RGS3: variants seen among roughly 807,000 people sequenced by gnomAD.
RGS3 encodes the protein regulator of G protein signaling 3, also known as regulator of G-protein signalling 3.
Under a neutral mutation model 132.6 loss-of-function variants are expected in RGS3, and 80 were observed. That is an observed-to-expected ratio of 0.60 (90% CI 0.50 to 0.73). RGS3 has a LOEUF of 0.73. Among genes scored for constraint, RGS3 ranks in the 30% least tolerant of loss-of-function variants. The pLI is 0.00. For missense variants in RGS3, 1,382 were observed against 1,530.8 expected, an observed-to-expected ratio of 0.90 and a Z score of 1.62; for synonymous variants, 598 against 620.6, an observed-to-expected ratio of 0.96 and a Z score of 0.54.
chr9:113,587,901 C>T (rs148754791), intron 20 of RGS3, among the ~76,000 whole-genome samples: 1 of 152,354 alleles, frequency 6.6e-6, no homozygotes, highest in Non-Finnish European at 1.5e-5. Flanking sequence ...TGCCCCCTGC[C>T]GCCAGACCCC....
chr9:113,586,544 G>A (rs925867525), intron 20 of RGS3, among the ~76,000 whole-genome samples: 7 of 152,142 alleles, frequency 4.6e-5, no homozygotes, highest in Admixed American at 2.0e-4. Context: ...ACTTTTAGCC[G>A]GTCACTTCCT....
At chr9:113,550,692 A>C (rs992141462) in intron 19 of RGS3, among the ~76,000 whole-genome samples, 1 of 152,190 alleles carries the variant, frequency 6.6e-6, no homozygotes, top group African/African-American at 2.4e-5. Context: ...ATATTGTTAC[A>C]TTTTTAAATA....
At chr9:113,523,013 C>T (rs909518291) in exon 17 of RGS3, 1 of 1,613,790 alleles carries the variant, frequency 6.2e-7, no homozygotes, top group African/African-American at 1.3e-5. Context: ...GGAACCCCCT[C>T]TACCTCCAGA....
At chr9:113,517,229 G>A (rs1460210550) in intron 15 of RGS3, 1 of 525,904 alleles carries the variant, frequency 1.9e-6, no homozygotes, top group South Asian at 1.5e-5. Context: ...GTGCAGTGGG[G>A]GGTGAGAGCT....
Position 113,507,167 on chromosome 9 carries a change from C to A in RGS3, c.1086-120C>A, listed in dbSNP as rs1831164947. On this transcript the variant is annotated intron_variant, in intron 12 of 24. Transcript: ENST00000350696. The surrounding 1 kb of genome is among the most constrained non-coding windows in gnomAD (Gnocchi z 5.0). ...TCCCTTCCTGCCCTGACACTGGGGGCTTCCCCTCTGGTGTCTGCCTCCTCT... is the reference window on the plus strand; with the variant it reads ...TCCCTTCCTGCCCTGACACTGGGGGATTCCCCTCTGGTGTCTGCCTCCTCT... 3 of 772,206 alleles carry A rather than the reference C, an allele frequency of 3.9e-6. No individual in the cohort carries two copies. In the South Asian group the frequency reaches 5.6e-5, roughly 14 times the overall value. 47.8% of individuals were successfully genotyped at this position (772,206 alleles called of 1,614,324 possible). A position where few individuals can be genotyped will look rare whatever the true frequency, so the allele number is the denominator to read the frequency against.
intron 15 of RGS3, among the ~76,000 whole-genome samples, chr9:113,516,578 C>T (rs1002451626): frequency 2.6e-5 from 4 of 152,000 alleles, no homozygotes; most frequent in African/African-American, 9.6e-5. Flanking sequence ...AGGCTGGTCT[C>T]GAACTCCTGA....
rs530237888 is a variant in RGS3 at position 113,513,843 on chromosome 9, A to G, written c.1478-615A>G. On this transcript the variant is annotated intron_variant, in intron 14 of 24. Coordinates refer to ENST00000350696, the Ensembl canonical transcript of RGS3. ...CTCTAGCTCCCTTGGCTACAGAGGG[A>G]GGACTCCAGTACATCCTGGGAAAGC... 4.6e-5 allele frequency among the ~76,000 whole-genome samples: 7 copies of G among 152,286 alleles called. No homozygotes were observed. The East Asian group carries it at 1.4e-3, about 29-fold the overall frequency.
At chr9:113,488,518 T>C (rs1046690232) in intron 7 of RGS3, among the ~76,000 whole-genome samples, 4 of 152,038 alleles carry the variant, frequency 2.6e-5, no homozygotes, top group African/African-American at 9.7e-5. Flanking sequence ...GACAGCAGAG[T>C]GTCAGAGAGG....
At position 113,565,897 on chromosome 9, in the gene RGS3, GTGTGTGTGTGTGTGTGTGTC is replaced by G. The variant is rs1423163071; in HGVS notation, c.2038-17549_2038-17530del. On this transcript the variant is annotated intron_variant, in intron 19 of 24. Transcript: ENST00000350696. This position sits in a 1 kb window ranked among gnomAD's most constrained non-coding sequence, Gnocchi z 5.7. Reference sequence around the variant, plus strand: ...GCTCTGTGTGTGTGTGTGTGTGTGTGTGTGTGTGTGTGTGTGTGTCTGTCTGTCTGTCTGTCTCAGGGGCT... The same window carrying G: ...GCTCTGTGTGTGTGTGTGTGTGTGTGTGTCTGTCTGTCTGTCTCAGGGGCT... Among the ~76,000 whole-genome samples, 4 of 149,078 alleles carry G rather than the reference GTGTGTGTGTGTGTGTGTGTC, an allele frequency of 2.7e-5. No homozygotes were observed. Among genetic ancestry groups the G allele is most frequent in the South Asian group, 2.2e-4 (1 of 4,570 alleles).
chr9:113,517,934 G>A (rs7027024), intron 16 of RGS3, among the ~76,000 whole-genome samples: 17,981 of 152,126 alleles, frequency 0.12, 1,245 homozygotes, highest in African/African-American at 0.19. Context: ...TGGCTGTGGG[G>A]AGTGACTTTG....
At position 113,570,971 on chromosome 9, in the gene RGS3, A is replaced by G. The variant is rs115772097; in HGVS notation, c.2038-12479A>G. On this transcript the variant is annotated intron_variant, in intron 19 of 24. Coordinates refer to ENST00000350696, the Ensembl canonical transcript of RGS3. ...CTTCTCTCATCGATGAGCGTAGCCTATCCTTGAATTTTGTGTAAATGGAAT... is the reference window on the plus strand; with the variant it reads ...CTTCTCTCATCGATGAGCGTAGCCTGTCCTTGAATTTTGTGTAAATGGAAT... 7.0e-3 allele frequency among the ~76,000 whole-genome samples: 1,071 copies of G among 152,240 alleles called. 13 individuals are homozygous for G. The highest frequency in any genetic ancestry group is 0.024 in the African/African-American group (1,013 of 41,524).
intron 10 of RGS3, among the ~76,000 whole-genome samples, chr9:113,503,843 C>G (rs77006713): frequency 6.6e-6 from 1 of 152,202 alleles, no homozygotes; most frequent in African/African-American, 2.4e-5. Context: ...CAGGCGGGCC[C>G]GGCAACTAGT....
At chr9:113,548,875 G>A (rs1348018064) in intron 19 of RGS3, among the ~76,000 whole-genome samples, 1 of 152,200 alleles carries the variant, frequency 6.6e-6, no homozygotes, top group Non-Finnish European at 1.5e-5. Flanking sequence ...TCCTGGGACC[G>A]GATGTGGTCA....
rs78817200 is a variant in RGS3 at position 113,480,607 on chromosome 9, G to T, written c.466+1066G>T. ...ATGCCAGGGAAGACTTGGCGGAGGGGGTGATGCCCACACGGTATCCTGAAG... is the reference window on the plus strand; with the variant it reads ...ATGCCAGGGAAGACTTGGCGGAGGGTGTGATGCCCACACGGTATCCTGAAG... On this transcript the variant is annotated intron_variant, in intron 4 of 24. Transcript: ENST00000350696. Among the ~76,000 whole-genome samples, 777 of 152,306 alleles carry T rather than the reference G, an allele frequency of 5.1e-3. 10 individuals carry two copies. The highest frequency in any genetic ancestry group is 0.018 in the African/African-American group (733 of 41,578).
intron 7 of RGS3, among the ~76,000 whole-genome samples, chr9:113,490,335 C>G (rs1830467883): frequency 2.6e-5 from 4 of 151,990 alleles, no homozygotes; most frequent in Admixed American, 2.6e-4. Flanking sequence ...TTCCCCTTCT[C>G]CAGTGAATTA....
intron 3 of RGS3, among the ~76,000 whole-genome samples, chr9:113,476,917 A>C (rs975951543): frequency 6.6e-6 from 1 of 152,226 alleles, no homozygotes; most frequent in African/African-American, 2.4e-5. Context: ...TGTTTGTGCC[A>C]GAGCTGGCTT....
intron 18 of RGS3, among the ~76,000 whole-genome samples, chr9:113,531,025 G>A (rs1832439091): frequency 6.6e-6 from 1 of 152,202 alleles, no homozygotes; most frequent in South Asian, 2.1e-4. Flanking sequence ...AAGAAAAAGA[G>A]AGTCAGGATT....
chr9:113,462,803 A>G (rs996315168), intron 3 of RGS3, among the ~76,000 whole-genome samples: 1 of 152,202 alleles, frequency 6.6e-6, no homozygotes, highest in African/African-American at 2.4e-5. Flanking sequence ...TGAGTGGATC[A>G]CTGAACCACA....
At chr9:113,594,233 C>T (rs1835615894) in intron 21 of RGS3, 197 bp from the exon 20 acceptor site, 1 of 1,612,670 alleles carries the variant, frequency 6.2e-7, no homozygotes, top group Admixed American at 1.7e-5. Flanking sequence ...AGTGGTGCCT[C>T]CTACAGACCA....
Sources: gnomAD v4.1 joint callset for allele counts (sites outside exome capture counted in the v4.1 genomes callset) on GRCh38, gnomAD v4.1.1 for gene constraint, Gnocchi (gnomAD v3.1) non-coding constraint, MANE v1.5 for transcripts, NCBI Gene and HGNC (gene_info 2026-07-23, HGNC 2026-07-21) for gene names.